The following GARNL3 variants were observed in gnomAD, a reference collection of about 807,000 sequenced individuals.
GARNL3 encodes GTPase-activating Rap/Ran-GAP domain-like protein 3.
Under a neutral mutation model 125.0 loss-of-function variants are expected in GARNL3, and 63 were observed. The ratio of observed to expected loss-of-function variants is 0.50; its 90% CI spans 0.41 to 0.62. The LOEUF (loss-of-function observed/expected upper bound fraction) is 0.62. Ranked by LOEUF, GARNL3 falls within the 20% of genes least tolerant of loss-of-function variation. The probability of loss-of-function intolerance (pLI) is 0.00; values close to 1 mark genes in which losing one functional copy is unlikely to be tolerated. For missense variants in GARNL3, 994 were observed against 1,244.0 expected, an observed-to-expected ratio of 0.80 and a Z score of 3.02; for synonymous variants, 439 against 457.5, an observed-to-expected ratio of 0.96 and a Z score of 0.52.
intron 2 of GARNL3, among the ~76,000 whole-genome samples, chr9:127,297,183 G>A (rs922939665): frequency 6.6e-6 from 1 of 152,028 alleles, no homozygotes; most frequent in Non-Finnish European, 1.5e-5. Flanking sequence ...CTGTCACCTA[G>A]GCTGGAGTGC....
At chr9:127,324,183 C>T (rs140639480) in intron 6 of GARNL3, among the ~76,000 whole-genome samples, 7 of 152,112 alleles carry the variant, frequency 4.6e-5, no homozygotes, top group African/African-American at 9.6e-5. Context: ...CTCATGAGGT[C>T]GAGGCTGCAA....
chr9:127,225,594 G>C (rs2062893973), intron 1 of GARNL3, among the ~76,000 whole-genome samples: 1 of 151,828 alleles, frequency 6.6e-6, no homozygotes, highest in Non-Finnish European at 1.5e-5. Context: ...GGGAGGTGCA[G>C]GGACGGGTGT....
Position 127,393,408 on chromosome 9 carries a change from A to C in GARNL3, c.*154A>C. ...GCACACTCGGCCAGTTCCCTCTCCA[A>C]TGTCCGGTGCCATCTTTCCTGACCT... On this transcript the variant is annotated 3_prime_UTR_variant, in exon 28 of 28. Coordinates refer to ENST00000373387, the MANE Select transcript of GARNL3 (RefSeq NM_032293.5). 1 of 552,822 alleles carries C rather than the reference A, an allele frequency of 1.8e-6. No homozygotes were observed. Among genetic ancestry groups the C allele is most frequent in the East Asian group, 2.9e-5 (1 of 35,070 alleles). 34.2% of individuals were successfully genotyped at this position (552,822 alleles called of 1,614,324 possible).
At chr9:127,292,736 A>C (rs1028690598) in intron 2 of GARNL3, among the ~76,000 whole-genome samples, 1 of 152,172 alleles carries the variant, frequency 6.6e-6, no homozygotes, top group Admixed American at 6.5e-5. Flanking sequence ...GCAGTCAAAC[A>C]CTGCTCACCT....
intron 14 of GARNL3, among the ~76,000 whole-genome samples, chr9:127,342,596 G>T (rs1829920441): frequency 6.6e-6 from 1 of 152,128 alleles, no homozygotes; most frequent in Admixed American, 6.5e-5. Context: ...GGGACAGGGA[G>T]GTTGGGTATC....
At chr9:127,339,566 A>G in intron 12 of GARNL3, 79 bp from the exon 13 acceptor site, 9 of 993,100 alleles carry the variant, frequency 9.1e-6, no homozygotes, top group Non-Finnish European at 1.4e-5. Context: ...GGGAGATACA[A>G]TTCAAGTGGC....
intron 2 of GARNL3, among the ~76,000 whole-genome samples, chr9:127,303,732 G>A (rs1038341083): frequency 2.0e-5 from 3 of 152,136 alleles, no homozygotes; most frequent in Non-Finnish European, 4.4e-5. Flanking sequence ...TCTGTATTTT[G>A]TGGATTCCCT....
At chr9:127,267,112 G>A (rs2063721665) in intron 1 of GARNL3, among the ~76,000 whole-genome samples, 1 of 152,122 alleles carries the variant, frequency 6.6e-6, no homozygotes, top group African/African-American at 2.4e-5. Context: ...AAGAAGCTCT[G>A]CCTTAGAGGA....
chr9:127,321,044 C>T (rs918670411), intron 6 of GARNL3, among the ~76,000 whole-genome samples: 3 of 152,158 alleles, frequency 2.0e-5, no homozygotes, highest in African/African-American at 7.2e-5. Context: ...CCTCAATCCA[C>T]GAACCAATAG....
At chr9:127,356,784 T>A (rs1830711239) in intron 20 of GARNL3, among the ~76,000 whole-genome samples, 1 of 152,240 alleles carries the variant, frequency 6.6e-6, no homozygotes, top group Admixed American at 6.5e-5. Context: ...AGCCTCAGTT[T>A]CCTCATCTGT....
chr9:127,294,389 C>T (rs769002488), intron 2 of GARNL3, among the ~76,000 whole-genome samples: 7 of 152,078 alleles, frequency 4.6e-5, no homozygotes, highest in African/African-American at 7.2e-5. Context: ...ACTGCACCTC[C>T]GCCTCCTGGG....
In GARNL3 at chr9:127,323,415, C is replaced by CT. The variant is rs554086481; in HGVS notation, c.568-1653dup. Among the ~76,000 whole-genome samples, 525 of 152,342 alleles carry CT rather than the reference C, an allele frequency of 3.4e-3. 3 individuals carry two copies. The highest frequency in any genetic ancestry group is 5.4e-3 in the Non-Finnish European group (369 of 68,028). The stretch of plus-strand genomic sequence containing the variant: ...TGACAGCCTATGACATCCCTCCTGC[C>CT]TCTACAGCTGAGTGTTGAGACTCTA... On this transcript the variant is annotated intron_variant, in intron 6 of 27. Coordinates refer to ENST00000373387, the MANE Select transcript of GARNL3 (RefSeq NM_032293.5).
intron 1 of GARNL3, among the ~76,000 whole-genome samples, chr9:127,265,766 T>C (rs987117711): frequency 6.6e-6 from 1 of 152,266 alleles, no homozygotes; most frequent in African/African-American, 2.4e-5. Flanking sequence ...CTACTATTTC[T>C]ATTTATTAAA....
intron 2 of GARNL3, among the ~76,000 whole-genome samples, chr9:127,310,903 A>G (rs1335500924): frequency 1.3e-5 from 2 of 152,226 alleles, no homozygotes; most frequent in African/African-American, 2.4e-5. Flanking sequence ...CCTAGATGTC[A>G]GATTGGCATT....
intron 2 of GARNL3, among the ~76,000 whole-genome samples, chr9:127,255,177 G>A (rs1488797002): frequency 6.6e-6 from 1 of 152,210 alleles, no homozygotes; most frequent in Non-Finnish European, 1.5e-5. Flanking sequence ...TGATTGCACT[G>A]GTATTCAAGG....
intron 3 of GARNL3, among the ~76,000 whole-genome samples, chr9:127,312,758 T>C (rs921783946): frequency 3.3e-5 from 5 of 152,152 alleles, no homozygotes; most frequent in African/African-American, 1.2e-4. Context: ...CAAAGTTTAT[T>C]GGTGTGTGGG....
chr9:127,377,525 A>G (rs942189196), intron 22 of GARNL3, among the ~76,000 whole-genome samples: 1 of 152,156 alleles, frequency 6.6e-6, no homozygotes. Context: ...GGTGGCTCAC[A>G]CCCGTAATCC....
chr9:127,229,807 T>A (rs963974805), intron 1 of GARNL3, among the ~76,000 whole-genome samples: 1 of 152,230 alleles, frequency 6.6e-6, no homozygotes, highest in African/African-American at 2.4e-5. Context: ...TTTAAATGAC[T>A]CATGTTTAGG....
chr9:127,378,665 A>G (rs1282528271), intron 22 of GARNL3, among the ~76,000 whole-genome samples: 1 of 152,208 alleles, frequency 6.6e-6, no homozygotes, highest in Non-Finnish European at 1.5e-5. Flanking sequence ...GATAATTTAC[A>G]AAAGAAAGAA....
Sources: gnomAD v4.1 joint callset for allele counts (sites outside exome capture counted in the v4.1 genomes callset) on GRCh38, gnomAD v4.1.1 for gene constraint, MANE v1.5 for transcripts, NCBI Gene and HGNC (gene_info 2026-07-23, HGNC 2026-07-21) for gene names.